Variants in NEBL observed in about 807,000 individuals in gnomAD.
NEBL encodes the protein nebulette, also known as LIM and SH3 protein 2.
Under a neutral mutation model 140.2 loss-of-function variants are expected in NEBL, and 122 were observed. The observed-to-expected ratio is 0.87, with a 90% CI of 0.75 to 1.01. The LOEUF is 1.01. Ranked by LOEUF, NEBL falls within the 50% of genes least tolerant of loss-of-function variation. The pLI, the probability that NEBL is intolerant of heterozygous loss-of-function variation, is 0.00. For synonymous variants in NEBL, 436 were observed against 398.9 expected (o/e 1.09, Z -1.11); for missense variants, 1,365 against 1,231.3 (o/e 1.11, Z -1.62).
intron 2 of NEBL, among the ~76,000 whole-genome samples, chr10:21,158,991 T>G (rs575757800): frequency 6.6e-6 from 1 of 152,228 alleles, no homozygotes; most frequent in African/African-American, 2.4e-5. Context: ...TGAGCTTTTC[T>G]GATCCCATTC....
At chr10:20,838,505 C>T (rs915162410) in intron 13 of NEBL, among the ~76,000 whole-genome samples, 3 of 152,140 alleles carry the variant, frequency 2.0e-5, no homozygotes, top group African/African-American at 7.2e-5. Context: ...TGTGAAGATG[C>T]TGTGATCATT....
At chr10:20,983,483 C>A (rs954210221) in intron 3 of NEBL, among the ~76,000 whole-genome samples, 3 of 152,178 alleles carry the variant, frequency 2.0e-5, no homozygotes, top group Admixed American at 1.3e-4. Context: ...AACAGTGAAT[C>A]TGGAAAAACC....
chr10:20,935,539 C>T (rs1834436246), intron 4 of NEBL, among the ~76,000 whole-genome samples: 1 of 152,180 alleles, frequency 6.6e-6, no homozygotes, highest in African/African-American at 2.4e-5. Flanking sequence ...TTTGGCAGAT[C>T]TCCTCCTTTG....
intron 2 of NEBL, among the ~76,000 whole-genome samples, chr10:21,022,126 T>A (rs1354736826): frequency 3.3e-5 from 5 of 152,192 alleles, no homozygotes. Context: ...CATGTTCGGC[T>A]GGCGCTGAGG....
Position 20,826,505 on chromosome 10 carries a change from G to T in NEBL, c.1811C>A (p.Ala604Glu). ...FYKKEVGAGT[A>E]VKDSPEIERV... ...TTCGATCTCTGGGCTATCTTTCACTGCAGTGCCAGCTCCCACTTCTTTCTT... is the reference window on the plus strand; with the variant it reads ...TTCGATCTCTGGGCTATCTTTCACTTCAGTGCCAGCTCCCACTTCTTTCTT... The change falls in exon 18 of 28, where the codon GCA becomes GAA. Residue 604 changes from alanine to glutamate, a missense_variant. Around this residue, in one of 2 missense-constraint regions of NEBL, gnomAD observed 1,323 missense variants for 1,154.8 expected, o/e 1.15. Transcript: ENST00000377122. 1 of 1,612,578 alleles carries T rather than the reference G, an allele frequency of 6.2e-7. No homozygotes were observed. Among genetic ancestry groups the T allele is most frequent in the South Asian group, 1.1e-5 (1 of 91,038 alleles).
chr10:21,059,132 C>T (rs1340945171), intron 2 of NEBL, among the ~76,000 whole-genome samples: 1 of 151,944 alleles, frequency 6.6e-6, no homozygotes, highest in East Asian at 1.9e-4. Flanking sequence ...TAACCACCAC[C>T]CCCAGCAGTC....
chr10:21,004,262 G>A (rs1478291407), intron 3 of NEBL, among the ~76,000 whole-genome samples: 3 of 152,026 alleles, frequency 2.0e-5, no homozygotes, highest in East Asian at 1.9e-4. Flanking sequence ...TGCAGACATC[G>A]TTATGAATAA....
At chr10:20,955,821 T>TG (rs1469139743) in intron 4 of NEBL, among the ~76,000 whole-genome samples, 1 of 150,834 alleles carries the variant, frequency 6.6e-6, no homozygotes, top group Non-Finnish European at 1.5e-5. Flanking sequence ...CTGAACACAG[T>TG]GAAACTGAAA....
In NEBL at chr10:20,932,432, G is replaced by C. The variant is rs939896506; in HGVS notation, c.357+29240C>G. Among the ~76,000 whole-genome samples the C allele has an allele frequency of 4.6e-5, 7 of 151,972 alleles. No homozygotes were observed. The South Asian group carries it at 8.3e-4, about 18-fold the overall frequency. ...CAGGGCCTGGGGCTGGGGGGTGGGG[G>C]AGAAAGGGGAGGGAGAGCATTAGGA... On this transcript the variant is annotated intron_variant, in intron 4 of 6. Transcript: ENST00000417816.
intron 6 of NEBL, among the ~76,000 whole-genome samples, chr10:20,869,332 G>A (rs1736105603): frequency 6.6e-6 from 1 of 152,136 alleles, no homozygotes; most frequent in Non-Finnish European, 1.5e-5. Context: ...AGTGGACAAA[G>A]GTAAGTGTTG....
chr10:20,863,566 A>C (rs1326828124), intron 7 of NEBL, among the ~76,000 whole-genome samples: 1 of 152,196 alleles, frequency 6.6e-6, no homozygotes, highest in Admixed American at 6.5e-5. Context: ...TCTTAATTTT[A>C]CACAACACAA....
chr10:20,902,597 T>C (rs1402855905), intron 4 of NEBL, among the ~76,000 whole-genome samples: 1 of 152,070 alleles, frequency 6.6e-6, no homozygotes, highest in Non-Finnish European at 1.5e-5. Context: ...ATTAAAACGA[T>C]GTACTCTGCT....
rs537911263 is a variant in NEBL at position 21,069,970 on chromosome 10, C to T, written c.165-49769G>A. ...TGTACTTACAGCGGCTTAGGGACTG[C>T]GCCCCTGGAGCCAGAATGCAGCCAC... On this transcript the variant is annotated intron_variant, in intron 2 of 6. Transcript: ENST00000417816. The T allele has an allele frequency of 1.1e-3, 498 of 456,184 alleles. 5 individuals are homozygous for T. The highest frequency in any genetic ancestry group is 7.1e-3 in the South Asian group (461 of 64,542). 28.3% of individuals were successfully genotyped at this position (456,184 alleles called of 1,614,324 possible). A position where few individuals can be genotyped will look rare whatever the true frequency, so the allele number is the denominator to read the frequency against.
chr10:21,133,778 A>G (rs1564522773), intron 2 of NEBL, among the ~76,000 whole-genome samples: 1 of 152,156 alleles, frequency 6.6e-6, no homozygotes, highest in Admixed American at 6.5e-5. Context: ...TGTGGCTGTC[A>G]TGATGACATC....
At chr10:21,266,495 G>T (rs981062301) in intron 1 of NEBL, among the ~76,000 whole-genome samples, 2 of 152,184 alleles carry the variant, frequency 1.3e-5, no homozygotes, top group African/African-American at 4.8e-5. Flanking sequence ...CACTGACTTA[G>T]CGAATACTCA....
chr10:21,248,687 G>C (rs1004164977), intron 2 of NEBL, among the ~76,000 whole-genome samples: 2 of 152,192 alleles, frequency 1.3e-5, no homozygotes, highest in Non-Finnish European at 1.5e-5. Context: ...ATGCCCAGGA[G>C]TAGAGTTGTT....
chr10:21,198,180 G>A (rs530430472), intron 3 of NEBL, among the ~76,000 whole-genome samples: 2 of 152,258 alleles, frequency 1.3e-5, no homozygotes, highest in Admixed American at 6.5e-5. Flanking sequence ...GTATTTCACA[G>A]CTGTCTGCTG....
At chr10:20,956,373 CT>C (rs1420221840) in intron 4 of NEBL, among the ~76,000 whole-genome samples, 1 of 151,884 alleles carries the variant, frequency 6.6e-6, no homozygotes, top group Admixed American at 6.6e-5. Context: ...ATCACTTTCT[CT>C]TTTTTTTAAA....
At position 20,954,040 on chromosome 10, in the gene NEBL, A is replaced by G. The variant is rs572997190; in HGVS notation, c.357+7632T>C. Reference sequence around the variant, plus strand: ...TCTTCTTAAGGAAAAAAAAAAAAAAAAAAGAAAGAAAAAACACCCTGGATA... The same window carrying G: ...TCTTCTTAAGGAAAAAAAAAAAAAAGAAAGAAAGAAAAAACACCCTGGATA... On this transcript the variant is annotated intron_variant, in intron 4 of 6. Transcript: ENST00000417816. 3.2e-3 allele frequency among the ~76,000 whole-genome samples: 486 copies of G among 151,442 alleles called. 9 individuals carry two copies. Among genetic ancestry groups the G allele is most frequent in the South Asian group, 5.4e-3 (26 of 4,820 alleles).
Sources: allele counts gnomAD v4.1 joint callset (sites outside exome capture counted in the v4.1 genomes callset), GRCh38; gene constraint gnomAD v4.1.1; regional missense constraint gnomAD v4.1.1; transcripts MANE v1.5; gene names NCBI Gene and HGNC (gene_info 2026-07-23, HGNC 2026-07-21).